The following ALDH1A2 variants were observed in gnomAD, a reference collection of about 807,000 sequenced individuals.
ALDH1A2 encodes aldehyde dehydrogenase 1 family member A2, also known as retinal dehydrogenase 2.
Under a neutral mutation model 60.3 loss-of-function variants are expected in ALDH1A2, and 27 were observed. That is an observed-to-expected ratio of 0.45 (90% confidence interval 0.33 to 0.62). The LOEUF (loss-of-function observed/expected upper bound fraction) is 0.62, where lower values mean the gene tolerates loss of function less well. ALDH1A2 is among the 20% of genes least tolerant of loss of function. The pLI, the probability that ALDH1A2 is intolerant of heterozygous loss-of-function variation, is 0.02. For missense variants in ALDH1A2, 581 were observed against 643.8 expected (o/e 0.90, Z 1.06); for synonymous variants, 289 against 232.4 (o/e 1.24, Z -2.21).
At chr15:58,006,787 C>A (rs1895473634) in intron 4 of ALDH1A2, among the ~76,000 whole-genome samples, 1 of 147,782 alleles carries the variant, frequency 6.8e-6, no homozygotes, top group Non-Finnish European at 1.5e-5. Context: ...TTTTGAGTCA[C>A]CTGATGCACA....
intron 7 of ALDH1A2, among the ~76,000 whole-genome samples, chr15:57,970,655 T>C (rs1217678511): frequency 6.6e-6 from 1 of 152,180 alleles, no homozygotes; most frequent in Admixed American, 6.5e-5. Flanking sequence ...TTTTTATTAA[T>C]TACTCAGGTG....
chr15:57,993,960 C>G (rs1021193774), intron 5 of ALDH1A2, among the ~76,000 whole-genome samples: 1 of 152,186 alleles, frequency 6.6e-6, no homozygotes, highest in Non-Finnish European at 1.5e-5. Flanking sequence ...CACCCAATTT[C>G]TTTTCCCCTT....
In ALDH1A2 at chr15:58,065,673, G is replaced by A. The variant is rs1176778788; in HGVS notation, c.-23C>T. The A allele has an allele frequency of 2.6e-6, 4 of 1,540,100 alleles. No homozygotes were observed. Among genetic ancestry groups the A allele is most frequent in the South Asian group, 1.2e-5 (1 of 82,454 alleles). On this transcript the variant is annotated 5_prime_UTR_variant, in exon 1 of 13. Transcript: ENST00000249750. ...CATGGTGGCGGGCCGGGTGTCCCTA[G>A]CCCGCGGCGTGGGGCAGTGCGGGCT...
chr15:57,955,623 T>C (rs1212311962), intron 12 of ALDH1A2, among the ~76,000 whole-genome samples: 1 of 152,206 alleles, frequency 6.6e-6, no homozygotes, highest in Non-Finnish European at 1.5e-5. Context: ...CCCCAGGCTG[T>C]GCTCAGAGGC....
Position 57,965,695 on chromosome 15 carries a change from G to C in ALDH1A2, c.901+30C>G, listed in dbSNP as rs372021221. 11 of 1,486,626 alleles carry C rather than the reference G, an allele frequency of 7.4e-6. No homozygotes were observed. In the African/African-American group the frequency reaches 1.1e-4, roughly 15 times the overall value. The allele number at this position is 1,486,626 out of a possible 1,614,324, so 92.1% of individuals were successfully genotyped here. On this transcript the variant is annotated intron_variant, in intron 8 of 12. Transcript: ENST00000249750. ...AGAGAGCACCAAAGGGTGTGTGGTG[G>C]TTCATGTATGGGACCTGTAGTTGAC...
chr15:57,959,084 G>T (rs1206831123), intron 12 of ALDH1A2, among the ~76,000 whole-genome samples: 2 of 152,124 alleles, frequency 1.3e-5, no homozygotes, highest in African/African-American at 4.8e-5. Context: ...TAACAAGTGT[G>T]CCCACAATGA....
At chr15:58,005,505 C>T (rs567915084) in intron 4 of ALDH1A2, among the ~76,000 whole-genome samples, 3 of 152,042 alleles carry the variant, frequency 2.0e-5, no homozygotes, top group African/African-American at 7.2e-5. Context: ...AAAGTTGATG[C>T]CACAGAAAGG....
chr15:58,037,835 G>A (rs542312597), intron 1 of ALDH1A2, among the ~76,000 whole-genome samples: 319 of 151,772 alleles, frequency 2.1e-3, no homozygotes, highest in Non-Finnish European at 3.4e-3. Context: ...GCAACCAGCA[G>A]TCTTTGATCC....
At chr15:58,028,766 C>G (rs757322874) in intron 1 of ALDH1A2, among the ~76,000 whole-genome samples, 5 of 152,082 alleles carry the variant, frequency 3.3e-5, no homozygotes, top group Non-Finnish European at 7.4e-5. Flanking sequence ...TCTGATGAAA[C>G]AGACTTTAAA....
Position 57,954,893 on chromosome 15 carries a change from G to T in ALDH1A2, c.*304C>A, listed in dbSNP as rs1893465253. 6.6e-6 allele frequency: 3 copies of T among 454,568 alleles called. 1 individual carries two copies. The highest frequency in any genetic ancestry group is 3.9e-5 in the African/African-American group (2 of 50,870). The allele number at this position is 454,568 out of a possible 1,614,324, so 28.2% of individuals were successfully genotyped here. On this transcript the variant is annotated 3_prime_UTR_variant, in exon 13 of 13. Transcript: ENST00000249750. ...TGTGACAAAGACATGAAATAATACA[G>T]CTCCCTTATTTCATCCTGTGCTCCA...
chr15:57,980,639 G>C (rs981374552), intron 7 of ALDH1A2: 1 of 201,486 alleles, frequency 5.0e-6, no homozygotes, highest in African/African-American at 2.4e-5. Context: ...GAACTGCGTG[G>C]AACTCATGGC....
Position 57,955,062 on chromosome 15 carries a change from C to T in ALDH1A2, c.*135G>A, listed in dbSNP as rs1893471607. On this transcript the variant is annotated 3_prime_UTR_variant, in exon 13 of 13. Transcript: ENST00000249750. ...TTGCTTTAGTTGTGCAGTGACCTGC[C>T]TGGCCTACATGTTATCTTTTCAATC... 9.9e-7 allele frequency: 1 copy of T among 1,005,756 alleles called. No individual in the cohort carries two copies. Among genetic ancestry groups the T allele is most frequent in the African/African-American group, 1.6e-5 (1 of 63,146 alleles). The allele number at this position is 1,005,756 out of a possible 1,614,324, so 62.3% of individuals were successfully genotyped here. A position where few individuals can be genotyped will look rare whatever the true frequency, so the allele number is the denominator to read the frequency against.
At chr15:58,040,459 G>A (rs1896489295) in intron 1 of ALDH1A2, among the ~76,000 whole-genome samples, 1 of 151,854 alleles carries the variant, frequency 6.6e-6, no homozygotes, top group Non-Finnish European at 1.5e-5. Context: ...ACGTTATGAG[G>A]GGCCCACTAT....
At position 57,995,282 on chromosome 15, in the gene ALDH1A2, A is replaced by G. The variant is rs1895019652; in HGVS notation, c.494-143T>C. On this transcript the variant is annotated intron_variant, in intron 4 of 12. Transcript: ENST00000249750. ...AAAACATCCTACTCAACCGTGCATG[A>G]AAGCTGGTAGAAGCCTAACACTGGA... 26 of 683,580 alleles carry G rather than the reference A, an allele frequency of 3.8e-5. No homozygotes were observed. In the South Asian group the frequency reaches 4.5e-4, roughly 12 times the overall value. 42.3% of individuals were successfully genotyped at this position (683,580 alleles called of 1,614,324 possible).
At chr15:58,025,268 C>T (rs1896048211) in intron 1 of ALDH1A2, among the ~76,000 whole-genome samples, 1 of 151,958 alleles carries the variant, frequency 6.6e-6, no homozygotes, top group African/African-American at 2.4e-5. Flanking sequence ...AAGAGATAAA[C>T]AAAATCGATA....
chr15:58,045,663 A>G (rs1896620864), intron 1 of ALDH1A2, among the ~76,000 whole-genome samples: 1 of 152,092 alleles, frequency 6.6e-6, no homozygotes, highest in African/African-American at 2.4e-5. Flanking sequence ...CAAACACCGC[A>G]TATTCTCACT....
intron 7 of ALDH1A2, among the ~76,000 whole-genome samples, chr15:57,985,711 G>A (rs1254282741): frequency 6.6e-6 from 1 of 152,054 alleles, no homozygotes; most frequent in African/African-American, 2.4e-5. Context: ...CTATACATAA[G>A]ATACTATTTG....
chr15:58,065,463 G>T lies in ALDH1A2; in HGVS notation c.117+71C>A, dbSNP rs548043151. The T allele has an allele frequency of 4.5e-6, 6 of 1,331,128 alleles. No homozygotes were observed. In the South Asian group the frequency reaches 5.9e-5, roughly 13 times the overall value. 82.5% of individuals were successfully genotyped at this position (1,331,128 alleles called of 1,614,324 possible). Reference sequence around the variant, plus strand: ...CCCCGTCCCGCAGCCCTCACCCGCTGAAGAGATCGGGGAAACCGAAGAAGG... The same window carrying T: ...CCCCGTCCCGCAGCCCTCACCCGCTTAAGAGATCGGGGAAACCGAAGAAGG... On this transcript the variant is annotated intron_variant, in intron 1 of 12. Coordinates refer to ENST00000249750, the MANE Select transcript of ALDH1A2 (RefSeq NM_003888.4).
chr15:57,955,124 A>C lies in ALDH1A2; in HGVS notation c.*73T>G. The C allele has an allele frequency of 6.9e-7, 1 of 1,453,568 alleles. No homozygotes were observed. Among genetic ancestry groups the C allele is most frequent in the South Asian group, 1.1e-5 (1 of 87,866 alleles). 90.0% of individuals were successfully genotyped at this position (1,453,568 alleles called of 1,614,324 possible). A position where few individuals can be genotyped will look rare whatever the true frequency, so the allele number is the denominator to read the frequency against. On this transcript the variant is annotated 3_prime_UTR_variant, in exon 13 of 13. Coordinates refer to ENST00000249750, the MANE Select transcript of ALDH1A2 (RefSeq NM_003888.4). ...ACCGTGGCTCAACTTTGTATTCCTG[A>C]GAGCTGGGCCCTACAGAGAAAGCAG...
Sources: allele counts gnomAD v4.1 joint callset (sites outside exome capture counted in the v4.1 genomes callset), GRCh38; gene constraint gnomAD v4.1.1; transcripts MANE v1.5; gene names NCBI Gene and HGNC (gene_info 2026-07-23, HGNC 2026-07-21).